DPP6: variants seen among roughly 807,000 people sequenced by gnomAD.
The protein encoded by DPP6 is A-type potassium channel modulatory protein DPP6.
DPP6 carries 69 observed loss-of-function variants against 122.6 expected under a neutral mutation model. That is an observed-to-expected ratio of 0.56 (90% CI 0.46 to 0.69). The LOEUF (loss-of-function observed/expected upper bound fraction) is 0.69, where lower values mean the gene tolerates loss of function less well. DPP6 is among the 30% of genes least tolerant of loss of function. DPP6 has a pLI of 0.00. For synonymous variants in DPP6, 418 were observed against 433.1 expected, an observed-to-expected ratio of 0.97 and a Z score of 0.43; for missense variants, 928 against 1,116.9, an observed-to-expected ratio of 0.83 and a Z score of 2.41.
intron 5 of DPP6, among the ~76,000 whole-genome samples, chr7:154,575,549 G>T (rs1267768892): frequency 1.5e-5 from 2 of 133,188 alleles, no homozygotes; most frequent in Admixed American, 7.8e-5. Flanking sequence ...GGTGTGTGTG[G>T]TGTGTTTATT....
chr7:154,000,709 T>C (rs929868429), intron 1 of DPP6, among the ~76,000 whole-genome samples: 1 of 152,022 alleles, frequency 6.6e-6, no homozygotes, highest in Non-Finnish European at 1.5e-5. Context: ...ATAGCTGACG[T>C]TTCCTGGATA....
chr7:154,725,139 G>C (rs1842004178), intron 7 of DPP6, among the ~76,000 whole-genome samples: 2 of 152,068 alleles, frequency 1.3e-5, no homozygotes, highest in African/African-American at 4.8e-5. Flanking sequence ...TTACCACTGT[G>C]ATCCCCCATG....
intron 1 of DPP6, among the ~76,000 whole-genome samples, chr7:154,174,174 C>G (rs2150733954): frequency 6.6e-6 from 1 of 152,342 alleles, no homozygotes; most frequent in East Asian, 1.9e-4. Context: ...TTAATGCCAG[C>G]TCCACCACGC....
chr7:153,788,460 T>G, the DPP6 span, among the ~76,000 whole-genome samples: 2 of 152,228 alleles, frequency 1.3e-5, no homozygotes, highest in Non-Finnish European at 1.5e-5. Context: ...TCAGTTTCAT[T>G]GCCCACTTTA....
rs1281007087 is a variant in DPP6 at position 154,235,585 on chromosome 7, TAC to T, written c.243+182526_243+182527del. On this transcript the variant is annotated intron_variant, in intron 1 of 25. Transcript: ENST00000377770. The stretch of plus-strand genomic sequence containing the variant: ...TTGTTCCTTTCTATTGTCAAATAAC[TAC>T]ACAGTGTTTTAAAGCCCCTTTCCAC... 3.1e-5 allele frequency among the ~76,000 whole-genome samples: 4 copies of T among 130,152 alleles called. No homozygotes were observed. In the East Asian group the frequency reaches 6.6e-4, roughly 22 times the overall value. 85.4% of individuals were successfully genotyped at this position (130,152 alleles called of 152,430 possible). A position where few individuals can be genotyped will look rare whatever the true frequency, so the allele number is the denominator to read the frequency against.
intron 1 of DPP6, among the ~76,000 whole-genome samples, chr7:153,932,727 A>G (rs1407220826): frequency 6.6e-6 from 1 of 152,136 alleles, no homozygotes; most frequent in South Asian, 2.1e-4. Flanking sequence ...CATTCAATGA[A>G]CTTTGCACAG....
intron 6 of DPP6, among the ~76,000 whole-genome samples, chr7:154,662,364 T>A (rs968634330): frequency 1.3e-5 from 2 of 151,316 alleles, no homozygotes; most frequent in African/African-American, 4.9e-5. Context: ...TCATGGTGAA[T>A]CACCATGGCG....
intron 4 of DPP6, among the ~76,000 whole-genome samples, chr7:154,548,413 A>G (rs551714283): frequency 6.6e-6 from 1 of 151,886 alleles, no homozygotes; most frequent in South Asian, 2.1e-4. Flanking sequence ...CTGTAGTCCC[A>G]GCTACTCGGG....
At chr7:154,042,988 C>T (rs1799837631) in intron 1 of DPP6, among the ~76,000 whole-genome samples, 1 of 152,156 alleles carries the variant, frequency 6.6e-6, no homozygotes, top group African/African-American at 2.4e-5. Flanking sequence ...ATGGACAAAT[C>T]CAAGCAGGCT....
At chr7:154,463,834 G>A (rs1439099917) in intron 2 of DPP6, among the ~76,000 whole-genome samples, 3 of 152,140 alleles carry the variant, frequency 2.0e-5, no homozygotes, top group Non-Finnish European at 2.9e-5. Flanking sequence ...CAAGTTGCAA[G>A]ACAATTTCCT....
intron 1 of DPP6, among the ~76,000 whole-genome samples, chr7:154,418,518 T>C (rs1817211126): frequency 6.6e-6 from 1 of 152,158 alleles, no homozygotes; most frequent in Non-Finnish European, 1.5e-5. Flanking sequence ...GGAAATCCCA[T>C]AATGAAATAA....
chr7:153,937,088 G>C (rs1801481405), intron 1 of DPP6, among the ~76,000 whole-genome samples: 1 of 152,138 alleles, frequency 6.6e-6, no homozygotes, highest in African/African-American at 2.4e-5. Flanking sequence ...GGGAGGCTCA[G>C]ATCCCAGGAA....
At position 154,006,649 on chromosome 7, in the gene DPP6, A is replaced by T. The variant is rs1345442444; in HGVS notation, c.51+118915A>T. On this transcript the variant is annotated intron_variant, in intron 1 of 25. Transcript: ENST00000404039. ...GGTCTCTGCCTAAGTTATTTTACCT[A>T]TCTGTGCTCTGCTTCCTCTCCTCAC... Among the ~76,000 whole-genome samples, 3 of 152,184 alleles carry T rather than the reference A, an allele frequency of 2.0e-5. No homozygotes were observed. In the East Asian group the frequency reaches 5.8e-4, roughly 29 times the overall value.
intron 2 of DPP6, among the ~76,000 whole-genome samples, chr7:154,451,597 G>C (rs1820386886): frequency 6.6e-6 from 1 of 152,142 alleles, no homozygotes; most frequent in African/African-American, 2.4e-5. Context: ...TTCTTTTGCA[G>C]CCAAGGCAAC....
At position 154,063,172 on chromosome 7, in the gene DPP6, C is replaced by T. The variant is rs1174212686; in HGVS notation, c.243+10109C>T. ...CTGAGAGCTATCCCCTTTTCCGCCC[C>T]TGGCTGTTAGTACCCCCATCGCAGG... On this transcript the variant is annotated intron_variant, in intron 1 of 25. Coordinates refer to ENST00000377770, the MANE Select transcript of DPP6 (RefSeq NM_130797.4). Among the ~76,000 whole-genome samples the T allele has an allele frequency of 4.6e-5, 6 of 129,518 alleles. 1 individual carries two copies. The highest frequency in any genetic ancestry group is 1.0e-4 in the Non-Finnish European group (6 of 59,680). 85.0% of individuals were successfully genotyped at this position (129,518 alleles called of 152,430 possible).
intron 1 of DPP6, among the ~76,000 whole-genome samples, chr7:153,948,263 C>T (rs1007208429): frequency 1.3e-5 from 2 of 152,082 alleles, no homozygotes; most frequent in African/African-American, 4.8e-5. Context: ...GGTGGCATTT[C>T]TATAGTCCAG....
chr7:154,725,386 G>A (rs757891405), intron 7 of DPP6, among the ~76,000 whole-genome samples: 2 of 152,182 alleles, frequency 1.3e-5, no homozygotes. Context: ...GGCTGTACAG[G>A]AAGCATGGCT....
intron 7 of DPP6, among the ~76,000 whole-genome samples, chr7:154,723,546 T>G (rs900787068): frequency 6.6e-6 from 1 of 152,084 alleles, no homozygotes; most frequent in East Asian, 1.9e-4. Context: ...GAAATTAAAT[T>G]AGGTTGTATA....
At chr7:154,242,812 T>C (rs1311364195) in intron 1 of DPP6, among the ~76,000 whole-genome samples, 1 of 152,224 alleles carries the variant, frequency 6.6e-6, no homozygotes, top group Non-Finnish European at 1.5e-5. Context: ...GGTTTTTGGC[T>C]GAAGGCTGCC....
Sources: gnomAD v4.1 joint callset for allele counts (sites outside exome capture counted in the v4.1 genomes callset) on GRCh38, gnomAD v4.1.1 for gene constraint, MANE v1.5 for transcripts, NCBI Gene and HGNC (gene_info 2026-07-23, HGNC 2026-07-21) for gene names.